The following PIEZO2 variants were observed in gnomAD, a reference collection of about 807,000 sequenced individuals.
The protein encoded by PIEZO2 is piezo type mechanosensitive ion channel component 2.
PIEZO2 carries 172 observed loss-of-function variants against 337.3 expected under a neutral mutation model. The observed-to-expected ratio is 0.51, with a 90% confidence interval of 0.45 to 0.58. PIEZO2 has a LOEUF of 0.58. Ranked by LOEUF, PIEZO2 falls within the 20% of genes least tolerant of loss-of-function variation. The probability of loss-of-function intolerance (pLI) is 0.00; values close to 1 mark genes in which losing one functional copy is unlikely to be tolerated. For missense variants in PIEZO2, 3,028 were observed against 3,391.3 expected (o/e 0.89, Z 2.66); for synonymous variants, 1,251 against 1,228.5 (o/e 1.02, Z -0.38).
Position 10,763,049 on chromosome 18 carries a change from G to C in PIEZO2, c.2996C>G (p.Pro999Arg). ...VFLISWAFAL[P>R]YAKLRRLASS... The stretch of plus-strand genomic sequence containing the variant: ...AGCCAGACGGCGCAGCTTGGCGTAC[G>C]GCAGAGCAAAAGCCCAAGAAATCAA... Residue 999 changes from proline (P) to arginine (R), a missense_variant, in exon 22 of 56, where the codon CCG becomes CGG. By Grantham distance (103) the Pro-to-Arg change is moderately radical. Around this residue, in one of 5 missense-constraint regions of PIEZO2, gnomAD observed 1,925 missense variants for 2,051.9 expected, o/e 0.94. Coordinates refer to ENST00000674853, the MANE Select transcript of PIEZO2 (RefSeq NM_001378183.1). 6.5e-7 allele frequency: 1 copy of C among 1,537,318 alleles called. No individual in the cohort carries two copies. The highest frequency in any genetic ancestry group is 8.7e-7 in the Non-Finnish European group (1 of 1,146,934).
At chr18:10,845,869 A>T (rs1324989081) in intron 7 of PIEZO2, among the ~76,000 whole-genome samples, 1 of 152,198 alleles carries the variant, frequency 6.6e-6, no homozygotes, top group Non-Finnish European at 1.5e-5. Flanking sequence ...AAAGCCCATC[A>T]TTTTTCTAAA....
At chr18:10,743,538 C>A (rs1050938174) in intron 31 of PIEZO2, among the ~76,000 whole-genome samples, 2 of 152,132 alleles carry the variant, frequency 1.3e-5, no homozygotes, top group African/African-American at 4.8e-5. Context: ...TGGGAAAAAC[C>A]TTAGATGGGA....
At chr18:10,760,183 T>C (rs1456711507) in intron 24 of PIEZO2, among the ~76,000 whole-genome samples, 3 of 152,216 alleles carry the variant, frequency 2.0e-5, no homozygotes, top group African/African-American at 7.2e-5. Flanking sequence ...TCATGAAACA[T>C]CACCATTCCT....
intron 3 of PIEZO2, among the ~76,000 whole-genome samples, chr18:10,912,906 AT>A (rs1406495637): frequency 6.6e-6 from 1 of 152,018 alleles, no homozygotes; most frequent in Non-Finnish European, 1.5e-5. Flanking sequence ...TCAGGCTTAT[AT>A]TTTCACATGA....
chr18:10,753,370 GC>G (rs1161185742), intron 27 of PIEZO2, among the ~76,000 whole-genome samples: 1 of 152,206 alleles, frequency 6.6e-6, no homozygotes, highest in Admixed American at 6.5e-5. Flanking sequence ...CCATGGTGGG[GC>G]TTTTTTGTTC....
In PIEZO2 at chr18:10,759,664, T is replaced by G. The variant is rs1301242595; in HGVS notation, c.3655+41A>C. 6.5e-7 allele frequency: 1 copy of G among 1,536,278 alleles called. No homozygotes were observed. Among genetic ancestry groups the G allele is most frequent in the Non-Finnish European group, 8.7e-7 (1 of 1,146,184 alleles). On this transcript the variant is annotated intron_variant, in intron 25 of 55. Transcript: ENST00000674853. This position sits in a 1 kb window ranked among gnomAD's most constrained non-coding sequence, Gnocchi z 5.5. ...TCCCAGCCGTCCGCTCAGTAATGGC[T>G]TCTTCTAAAAGTAGACGGCTCAAGG...
intron 2 of PIEZO2, among the ~76,000 whole-genome samples, chr18:11,049,793 G>A (rs1369786349): frequency 6.6e-6 from 1 of 152,044 alleles, no homozygotes; most frequent in African/African-American, 2.4e-5. Flanking sequence ...TGATTGTGAG[G>A]CCTCCCCAGC....
chr18:11,005,144 C>A (rs2035674652), intron 2 of PIEZO2, among the ~76,000 whole-genome samples: 1 of 152,220 alleles, frequency 6.6e-6, no homozygotes, highest in African/African-American at 2.4e-5. Context: ...AAGGGACCTA[C>A]AAATGGTAAT....
In PIEZO2 at chr18:10,719,835, T is replaced by G. The variant is rs1319630892; in HGVS notation, c.5030-1576A>C. On this transcript the variant is annotated intron_variant, in intron 36 of 55. Transcript: ENST00000674853. ...CCAGTGATTGATTCCAAATAAACCTTTTTACAAAAAGGATATAAGGTGGTT... is the reference window on the plus strand; with the variant it reads ...CCAGTGATTGATTCCAAATAAACCTGTTTACAAAAAGGATATAAGGTGGTT... Among the ~76,000 whole-genome samples, 3 of 152,248 alleles carry G rather than the reference T, an allele frequency of 2.0e-5. No homozygotes were observed. In the East Asian group the frequency reaches 5.8e-4, roughly 29 times the overall value.
chr18:11,101,213 T>C lies in PIEZO2; in HGVS notation c.65-34991A>G, dbSNP rs2039410288. 6.6e-6 allele frequency among the ~76,000 whole-genome samples: 1 copy of C among 152,188 alleles called. No homozygotes were observed. The highest frequency in any genetic ancestry group is 1.5e-5 in the Non-Finnish European group (1 of 68,036). ...ATTCCATCTGGGCCAGCCCAAGCCC[T>C]TTACTGACCTCCCTAATCCTCAAGA... On this transcript the variant is annotated intron_variant, in intron 1 of 55. Coordinates refer to ENST00000674853, the MANE Select transcript of PIEZO2 (RefSeq NM_001378183.1). This position sits in a 1 kb window ranked among gnomAD's most constrained non-coding sequence, Gnocchi z 4.4.
At chr18:10,946,039 C>T (rs931227237) in intron 3 of PIEZO2, among the ~76,000 whole-genome samples, 2 of 152,104 alleles carry the variant, frequency 1.3e-5, no homozygotes, top group African/African-American at 2.4e-5. Flanking sequence ...GCACAGTATA[C>T]ATGTAATTGG....
chr18:11,018,160 G>A (rs2036181452), intron 2 of PIEZO2, among the ~76,000 whole-genome samples: 2 of 151,660 alleles, frequency 1.3e-5, no homozygotes, highest in African/African-American at 4.9e-5. Context: ...GCTTGCAGCT[G>A]CATTACTCCG....
intron 4 of PIEZO2, among the ~76,000 whole-genome samples, chr18:10,885,400 G>T (rs1199545283): frequency 6.6e-6 from 1 of 152,148 alleles, no homozygotes; most frequent in Non-Finnish European, 1.5e-5. Context: ...CTCCAGCCTG[G>T]ACGACAGAGC....
intron 12 of PIEZO2, among the ~76,000 whole-genome samples, chr18:10,796,886 T>G (rs966258588): frequency 2.0e-5 from 3 of 152,154 alleles, no homozygotes; most frequent in Admixed American, 6.5e-5. Context: ...CACCATCATA[T>G]CATACATACC....
chr18:10,720,125 T>C (rs540645474), intron 36 of PIEZO2, among the ~76,000 whole-genome samples: 47 of 151,138 alleles, frequency 3.1e-4, no homozygotes, highest in African/African-American at 1.1e-3. Context: ...ATGAAATATG[T>C]CCAGATTATA....
At chr18:10,848,509 C>A (rs1433849419) in intron 7 of PIEZO2, among the ~76,000 whole-genome samples, 1 of 152,154 alleles carries the variant, frequency 6.6e-6, no homozygotes, top group Non-Finnish European at 1.5e-5. Flanking sequence ...GGTAACAGGA[C>A]AAATCATTGT....
rs757181452 is a variant in PIEZO2, at chr18:10,759,707, C to A, written c.3653G>T (p.Arg1218Leu). 2 of 1,537,228 alleles carry A rather than the reference C, an allele frequency of 1.3e-6. No homozygotes were observed. Among genetic ancestry groups the A allele is most frequent in the South Asian group, 2.4e-5 (2 of 84,062 alleles). ...ICIGIPPAPC[R>L]DYPWRFKGAS... ...GCTCAAGGGAAGGGCAGGCTCACCT[C>A]GGCAAGGAGCAGGTGGGATGCCAAT... Residue 1218 changes from arginine to leucine, a missense_variant and splice_region_variant, in exon 25 of 56, where the codon CGA becomes CTA. Around this residue, in one of 5 missense-constraint regions of PIEZO2, gnomAD observed 1,925 missense variants for 2,051.9 expected, o/e 0.94. Transcript: ENST00000674853. This position sits in a 1 kb window ranked among gnomAD's most constrained non-coding sequence, Gnocchi z 5.5.
At chr18:11,074,266 C>T (rs1405652430) in intron 1 of PIEZO2, among the ~76,000 whole-genome samples, 1 of 152,110 alleles carries the variant, frequency 6.6e-6, no homozygotes, top group Non-Finnish European at 1.5e-5. Flanking sequence ...TCCCCTGATA[C>T]CCCACCTTTC....
intron 48 of PIEZO2, 59 bp from the exon 49 acceptor site, chr18:10,689,861 C>A: frequency 6.5e-7 from 1 of 1,546,140 alleles, no homozygotes; most frequent in South Asian, 1.3e-5. Context: ...CCACCCTGCT[C>A]ACCCAGGAGC....
Sources: allele counts gnomAD v4.1 joint callset (sites outside exome capture counted in the v4.1 genomes callset), GRCh38; gene constraint gnomAD v4.1.1; regional missense constraint gnomAD v4.1.1; non-coding constraint Gnocchi (gnomAD v3.1); transcripts MANE v1.5; gene names NCBI Gene and HGNC (gene_info 2026-07-23, HGNC 2026-07-21).